Variants in CNTNAP2 observed in about 807,000 individuals in gnomAD.
CNTNAP2 encodes contactin-associated protein-like 2.
Under a neutral mutation model 155.2 loss-of-function variants are expected in CNTNAP2, and 98 were observed. The observed-to-expected ratio is 0.63, with a 90% CI of 0.54 to 0.75. CNTNAP2 has a LOEUF of 0.75. Ranked by LOEUF, CNTNAP2 falls within the 30% of genes least tolerant of loss-of-function variation. The probability of loss-of-function intolerance (pLI) is 0.00; values close to 1 mark genes in which losing one functional copy is unlikely to be tolerated. For missense variants in CNTNAP2, 1,727 were observed against 1,688.1 expected, an observed-to-expected ratio of 1.02 and a Z score of -0.40; for synonymous variants, 651 against 631.2, an observed-to-expected ratio of 1.03 and a Z score of -0.47.
intron 9 of CNTNAP2, among the ~76,000 whole-genome samples, chr7:147,352,504 T>G (rs1795984207): frequency 1.3e-5 from 2 of 152,056 alleles, no homozygotes; most frequent in African/African-American, 4.8e-5. Context: ...CAAAGGTTTT[T>G]GCTTTAAAAC....
chr7:146,301,829 CA>C (rs1362998705), intron 1 of CNTNAP2, among the ~76,000 whole-genome samples: 7 of 152,068 alleles, frequency 4.6e-5, no homozygotes, highest in South Asian at 2.1e-4. Flanking sequence ...TGGAAGTAAC[CA>C]AAGAAATTGT....
intron 1 of CNTNAP2, among the ~76,000 whole-genome samples, chr7:146,482,932 T>G (rs188211547): frequency 3.3e-5 from 5 of 152,050 alleles, no homozygotes; most frequent in African/African-American, 9.6e-5. Context: ...GTGTTTCTCA[T>G]TTACTATCTC....
At chr7:147,396,090 C>CAT (rs1796809779) in intron 10 of CNTNAP2, among the ~76,000 whole-genome samples, 1 of 144,770 alleles carries the variant, frequency 6.9e-6, no homozygotes, top group Non-Finnish European at 1.5e-5. Flanking sequence ...ATATATGTAG[C>CAT]ATATATATGT....
chr7:147,056,280 C>G (rs890143793), intron 4 of CNTNAP2, among the ~76,000 whole-genome samples: 1 of 152,188 alleles, frequency 6.6e-6, no homozygotes, highest in African/African-American at 2.4e-5. Flanking sequence ...CTCTTTTAAA[C>G]TTGCTGTGTT....
chr7:146,975,249 G>T (rs1797886830), intron 3 of CNTNAP2, among the ~76,000 whole-genome samples: 1 of 152,054 alleles, frequency 6.6e-6, no homozygotes, highest in African/African-American at 2.4e-5. Flanking sequence ...TGGATCACCT[G>T]AAGTCAGGAG....
Position 147,864,327 on chromosome 7 carries a change from G to A in CNTNAP2, c.2099-39238G>A, listed in dbSNP as rs576919694. On this transcript the variant is annotated intron_variant, in intron 13 of 23. Transcript: ENST00000361727. ...CCAATACCATGCTGTTTTGGTTACT[G>A]TAGCCTTGTAGTATAGTTTGAAGTC... 4.7e-3 allele frequency among the ~76,000 whole-genome samples: 721 copies of A among 152,246 alleles called. 4 individuals carry two copies. Among genetic ancestry groups the A allele is most frequent in the African/African-American group, 0.016 (683 of 41,550 alleles).
chr7:147,538,755 G>A (rs373725847), intron 11 of CNTNAP2, among the ~76,000 whole-genome samples: 1 of 151,954 alleles, frequency 6.6e-6, no homozygotes, highest in East Asian at 1.9e-4. Context: ...TCAACTAAAA[G>A]GCCTGATATC....
chr7:148,241,282 A>G (rs907030956), intron 20 of CNTNAP2, among the ~76,000 whole-genome samples: 2 of 152,152 alleles, frequency 1.3e-5, no homozygotes, highest in Non-Finnish European at 2.9e-5. Flanking sequence ...TTCATTCCCA[A>G]TTCCCTTCTC....
chr7:146,181,052 G>T (rs1428434690), intron 1 of CNTNAP2, among the ~76,000 whole-genome samples: 1 of 152,076 alleles, frequency 6.6e-6, no homozygotes, highest in Non-Finnish European at 1.5e-5. Flanking sequence ...GAAACATTTT[G>T]CACTTCTGTT....
At chr7:147,068,593 G>A (rs1331791632) in intron 4 of CNTNAP2, among the ~76,000 whole-genome samples, 11 of 152,086 alleles carry the variant, frequency 7.2e-5, no homozygotes, top group East Asian at 1.9e-4. Flanking sequence ...TCCTGGACTC[G>A]TGATCCGCCA....
intron 3 of CNTNAP2, among the ~76,000 whole-genome samples, chr7:146,927,095 A>G (rs1796624332): frequency 6.6e-6 from 1 of 152,128 alleles, no homozygotes; most frequent in African/African-American, 2.4e-5. Context: ...ACTTACTGTA[A>G]AATTCCAACA....
intron 15 of CNTNAP2, among the ~76,000 whole-genome samples, chr7:148,037,324 G>T (rs1280517980): frequency 1.3e-5 from 2 of 152,176 alleles, no homozygotes; most frequent in Non-Finnish European, 2.9e-5. Flanking sequence ...GCAGCCATTG[G>T]CTTCTGACTT....
chr7:146,949,417 C>G (rs1270100670), intron 3 of CNTNAP2, among the ~76,000 whole-genome samples: 1 of 152,150 alleles, frequency 6.6e-6, no homozygotes, highest in Non-Finnish European at 1.5e-5. Flanking sequence ...CACAACCTCT[C>G]GTCTGATTTC....
At chr7:147,883,322 A>C (rs1486888888) in intron 13 of CNTNAP2, among the ~76,000 whole-genome samples, 1 of 152,156 alleles carries the variant, frequency 6.6e-6, no homozygotes, top group East Asian at 1.9e-4. Context: ...TTTTTGAGAC[A>C]GTGTAAGACA....
At chr7:147,610,342 C>T (rs1801158977) in intron 12 of CNTNAP2, among the ~76,000 whole-genome samples, 1 of 151,678 alleles carries the variant, frequency 6.6e-6, no homozygotes, top group South Asian at 2.1e-4. Flanking sequence ...TCTTGTGATC[C>T]AAGTTTTCTT....
intron 10 of CNTNAP2, among the ~76,000 whole-genome samples, chr7:147,454,852 C>T (rs1797893608): frequency 6.6e-6 from 1 of 151,956 alleles, no homozygotes; most frequent in Admixed American, 6.6e-5. Flanking sequence ...AAAAGAGATC[C>T]CGACGACCTT....
intron 13 of CNTNAP2, among the ~76,000 whole-genome samples, chr7:147,680,888 C>T (rs1273621108): frequency 1.3e-5 from 2 of 151,500 alleles, no homozygotes; most frequent in Non-Finnish European, 2.9e-5. Flanking sequence ...TATTCTTATA[C>T]CCAATTAAAT....
At chr7:147,667,597 A>G (rs534804653) in intron 13 of CNTNAP2, among the ~76,000 whole-genome samples, 2 of 152,090 alleles carry the variant, frequency 1.3e-5, no homozygotes, top group Non-Finnish European at 2.9e-5. Flanking sequence ...ACTATTGGAG[A>G]ATAACATACC....
intron 13 of CNTNAP2, among the ~76,000 whole-genome samples, chr7:147,671,158 G>T (rs1795781067): frequency 6.6e-6 from 1 of 152,230 alleles, no homozygotes. Context: ...GTTGGTTCCA[G>T]TGTTTGCGCA....
Sources: gnomAD v4.1 joint callset for allele counts (sites outside exome capture counted in the v4.1 genomes callset) on GRCh38, gnomAD v4.1.1 for gene constraint, MANE v1.5 for transcripts, NCBI Gene and HGNC (gene_info 2026-07-23, HGNC 2026-07-21) for gene names.